Variants in MAP2K4 observed in about 807,000 individuals in gnomAD.
The protein encoded by MAP2K4 is dual specificity mitogen-activated protein kinase kinase 4.
A neutral mutation model predicts 48.5 loss-of-function variants in MAP2K4; 4 were observed. The ratio of observed to expected loss-of-function variants is 0.08; its 90% CI spans 0.04 to 0.19. The LOEUF is 0.19. Among genes scored for constraint, MAP2K4 ranks in the 10% least tolerant of loss-of-function variants. The probability of loss-of-function intolerance (pLI) is 1.00; values close to 1 mark genes in which losing one functional copy is unlikely to be tolerated. For missense variants in MAP2K4, 258 were observed against 493.3 expected, an observed-to-expected ratio of 0.52 and a Z score of 4.52; for synonymous variants, 166 against 173.1, an observed-to-expected ratio of 0.96 and a Z score of 0.32.
At chr17:12,115,501 G>C in intron 7 of MAP2K4, 1 of 606,266 alleles carries the variant, frequency 1.6e-6, no homozygotes, top group Non-Finnish European at 3.1e-6. Context: ...AAAAGGTACG[G>C]TCAAAATATG....
chr17:12,090,583 T>C (rs560444382), intron 3 of MAP2K4, among the ~76,000 whole-genome samples: 8 of 152,294 alleles, frequency 5.3e-5, no homozygotes, highest in Admixed American at 5.2e-4. Flanking sequence ...TTTGCCACAC[T>C]TGAGTCTTCC....
chr17:12,052,733 A>G (rs1421263764), intron 1 of MAP2K4, among the ~76,000 whole-genome samples: 1 of 152,194 alleles, frequency 6.6e-6, no homozygotes, highest in African/African-American at 2.4e-5. Context: ...AGGAGTTTGT[A>G]AAGATTTTCT....
chr17:12,048,830 T>C (rs1218408562), intron 1 of MAP2K4, among the ~76,000 whole-genome samples: 1 of 151,888 alleles, frequency 6.6e-6, no homozygotes, highest in Non-Finnish European at 1.5e-5. Context: ...CTAATTTTTG[T>C]ATTTTTAGTA....
intron 4 of MAP2K4, among the ~76,000 whole-genome samples, chr17:12,102,315 A>C (rs990606672): frequency 6.6e-6 from 1 of 152,118 alleles, no homozygotes; most frequent in Non-Finnish European, 1.5e-5. Flanking sequence ...AGTTATATGA[A>C]TTGATCTCAG....
In MAP2K4 at chr17:12,113,751, T is replaced by A. The variant is rs530547583; in HGVS notation, c.813+391T>A. Among the ~76,000 whole-genome samples the A allele has an allele frequency of 4.6e-5, 7 of 152,308 alleles. No individual in the cohort carries two copies. In the East Asian group the frequency reaches 1.4e-3, roughly 29 times the overall value. On this transcript the variant is annotated intron_variant, in intron 7 of 10. Transcript: ENST00000353533. ...GTATTACAGAGTCTGAAGCTGCATA[T>A]TTTGAATATTGTTAGTCCTTTTTTT...
intron 3 of MAP2K4, among the ~76,000 whole-genome samples, chr17:12,083,196 A>G (rs931217053): frequency 6.6e-6 from 1 of 152,258 alleles, no homozygotes; most frequent in African/African-American, 2.4e-5. Flanking sequence ...AGCCATTGTT[A>G]AAAAGGTCAT....
In MAP2K4 at chr17:12,032,393, A is replaced by G. The variant is rs1015081453; in HGVS notation, c.115+11392A>G. ...CCACTATTGTTTCAGCTAACCAGCCATGGCAATTTTACATTCAAAGAGCTA... is the reference window on the plus strand; with the variant it reads ...CCACTATTGTTTCAGCTAACCAGCCGTGGCAATTTTACATTCAAAGAGCTA... On this transcript the variant is annotated intron_variant, in intron 1 of 10. Transcript: ENST00000353533. The G allele has an allele frequency of 1.4e-5, 7 of 509,062 alleles. No individual in the cohort carries two copies. The African/African-American group carries it at 1.4e-4, about 10-fold the overall frequency. 31.5% of individuals were successfully genotyped at this position (509,062 alleles called of 1,614,324 possible).
chr17:12,052,368 G>A (rs1970169333), intron 1 of MAP2K4, among the ~76,000 whole-genome samples: 1 of 152,006 alleles, frequency 6.6e-6, no homozygotes, highest in South Asian at 2.1e-4. Flanking sequence ...GAAGTTAATG[G>A]CCTTTAAAGC....
chr17:12,034,148 A>G (rs937300534), intron 1 of MAP2K4, among the ~76,000 whole-genome samples: 1 of 152,192 alleles, frequency 6.6e-6, no homozygotes, highest in African/African-American at 2.4e-5. Flanking sequence ...ACCTAGTTCT[A>G]TTGTAGATAT....
rs748097908 is a variant in MAP2K4, at chr17:12,107,778, G to T, written c.514-12G>T. Reference sequence around the variant, plus strand: ...AGATGTATAAGAATAACAGATATTTGTTATTTTATAGGGTGACTGTTGGAT... The same window carrying T: ...AGATGTATAAGAATAACAGATATTTTTTATTTTATAGGGTGACTGTTGGAT... On this transcript the variant is annotated splice_polypyrimidine_tract_variant and intron_variant, in intron 4 of 10. Transcript: ENST00000353533. The T allele has an allele frequency of 1.3e-6, 2 of 1,566,192 alleles. No individual in the cohort carries two copies. Among genetic ancestry groups the T allele is most frequent in the Middle Eastern group, 2.3e-4 (1 of 4,444 alleles).
intron 2 of MAP2K4, among the ~76,000 whole-genome samples, chr17:12,077,046 T>C (rs1025877653): frequency 5.9e-5 from 9 of 152,236 alleles, no homozygotes; most frequent in Admixed American, 3.3e-4. Context: ...TGAATTGTTT[T>C]TAACCAGGGT....
chr17:12,077,439 G>T (rs1281007128), intron 2 of MAP2K4, among the ~76,000 whole-genome samples: 1 of 152,182 alleles, frequency 6.6e-6, no homozygotes, highest in Non-Finnish European at 1.5e-5. Flanking sequence ...ACAAATAGTG[G>T]CTTAAACCAG....
chr17:12,050,057 A>T (rs1285283948), intron 1 of MAP2K4, among the ~76,000 whole-genome samples: 9 of 152,230 alleles, frequency 5.9e-5, no homozygotes, highest in Non-Finnish European at 1.3e-4. Context: ...AGTTGAAGAT[A>T]TGCAGATTGG....
intron 4 of MAP2K4, among the ~76,000 whole-genome samples, chr17:12,105,573 ACTT>A (rs1457220713): frequency 4.0e-5 from 6 of 151,894 alleles, no homozygotes; most frequent in African/African-American, 1.2e-4. Flanking sequence ...ACATTTATTC[ACTT>A]CTTCTGCATT....
chr17:12,040,004 C>T (rs183253452), intron 1 of MAP2K4, among the ~76,000 whole-genome samples: 55 of 152,232 alleles, frequency 3.6e-4, no homozygotes, highest in African/African-American at 1.1e-3. Context: ...ACTTCATAGA[C>T]GGTGTTGTGT....
At chr17:12,021,074 G>C in intron 1 of MAP2K4, 73 bp downstream of exon 1, 1 of 888,104 alleles carries the variant, frequency 1.1e-6, no homozygotes, top group Non-Finnish European at 1.5e-6. Flanking sequence ...CTGCCCCAGC[G>C]GACGCCCCCG....
intron 10 of MAP2K4, among the ~76,000 whole-genome samples, chr17:12,140,377 T>G (rs1185687232): frequency 6.6e-6 from 1 of 152,186 alleles, no homozygotes; most frequent in Non-Finnish European, 1.5e-5. Flanking sequence ...GATCTAATAA[T>G]GTGGGAATAT....
At chr17:12,040,587 G>C (rs138531418) in intron 1 of MAP2K4, among the ~76,000 whole-genome samples, 147 of 152,260 alleles carry the variant, frequency 9.7e-4, no homozygotes, top group Non-Finnish European at 1.9e-3. Flanking sequence ...GACTAGTCCT[G>C]CCAAATTAAG....
intron 3 of MAP2K4, among the ~76,000 whole-genome samples, chr17:12,082,425 C>G (rs1284262026): frequency 6.6e-6 from 1 of 152,176 alleles, no homozygotes; most frequent in African/African-American, 2.4e-5. Flanking sequence ...AAAAATGTTT[C>G]AGTTTACAAG....
Sources: gnomAD v4.1 joint callset for allele counts (sites outside exome capture counted in the v4.1 genomes callset) on GRCh38, gnomAD v4.1.1 for gene constraint, MANE v1.5 for transcripts, NCBI Gene and HGNC (gene_info 2026-07-23, HGNC 2026-07-21) for gene names.